Variants in BOC observed in about 807,000 individuals in gnomAD.
The protein encoded by BOC is BOC cell adhesion associated, oncogene regulated.
In BOC, 76 loss-of-function variants were observed where a neutral mutation model predicts 112.0. The ratio of observed to expected loss-of-function variants is 0.68; its 90% CI spans 0.56 to 0.82. BOC has a LOEUF of 0.82. Among genes scored for constraint, BOC ranks in the 40% least tolerant of loss-of-function variants. The pLI is 0.00. For missense variants in BOC, 1,309 were observed against 1,511.7 expected (o/e 0.87, Z 2.22); for synonymous variants, 580 against 599.8 (o/e 0.97, Z 0.48).
intron 4 of BOC, 173 bp downstream of exon 4, chr3:113,251,006 C>G: frequency 1.2e-6 from 1 of 803,486 alleles, no homozygotes; most frequent in Non-Finnish European, 1.9e-6. Flanking sequence ...GATGGGGGAC[C>G]CTTGTGCCCT....
intron 2 of BOC, among the ~76,000 whole-genome samples, chr3:113,247,608 T>C (rs576092040): frequency 6.6e-6 from 1 of 152,246 alleles, no homozygotes; most frequent in South Asian, 2.1e-4. Context: ...TATGTGATCC[T>C]GGGCAACTTC....
At chr3:113,260,178 T>A (rs1946666999) in intron 4 of BOC, among the ~76,000 whole-genome samples, 1 of 152,146 alleles carries the variant, frequency 6.6e-6, no homozygotes, top group Non-Finnish European at 1.5e-5. Context: ...CTTCTGTGAA[T>A]GTCATGAAAG....
chr3:113,251,851 G>A (rs376190565), intron 4 of BOC: 3 of 152,198 alleles, frequency 2.0e-5, no homozygotes, highest in Non-Finnish European at 4.4e-5. Context: ...AGATTCAACA[G>A]AGCAAAGTAA....
intron 2 of BOC, among the ~76,000 whole-genome samples, chr3:113,229,366 T>C (rs1267547520): frequency 6.6e-6 from 1 of 152,238 alleles, no homozygotes; most frequent in Non-Finnish European, 1.5e-5. Context: ...CAGGCTTTGA[T>C]GTCCAAACGC....
intron 3 of BOC, 40 bp from the exon 4 acceptor site, chr3:113,250,515 G>A: frequency 6.4e-7 from 1 of 1,555,454 alleles, no homozygotes; most frequent in South Asian, 1.2e-5. Context: ...TGTTTTCTTG[G>A]GGGCATCAGT....
At chr3:113,253,114 A>G (rs1945834435) in intron 4 of BOC, among the ~76,000 whole-genome samples, 1 of 152,184 alleles carries the variant, frequency 6.6e-6, no homozygotes, top group Admixed American at 6.5e-5. Context: ...AACCACCACC[A>G]TCATTTTGGA....
intron 9 of BOC, among the ~76,000 whole-genome samples, chr3:113,276,032 GT>G: frequency 6.6e-6 from 1 of 152,224 alleles, no homozygotes; most frequent in Non-Finnish European, 1.5e-5. Flanking sequence ...GGGTGAATGA[GT>G]TTTTAACAAA....
At position 113,258,688 on chromosome 3, in the gene BOC, G is replaced by T. The variant is rs1946492144; in HGVS notation, c.376+7855G>T. 4.6e-5 allele frequency among the ~76,000 whole-genome samples: 7 copies of T among 152,288 alleles called. No homozygotes were observed. In the South Asian group the frequency reaches 1.4e-3, roughly 32 times the overall value. ...GGCTTCCTAAGCTGCCCCAGGAGGG[G>T]AAGGAGATTTGCAGCTGGGGCAGAG... is the stretch of plus-strand genomic sequence containing the variant. On this transcript the variant is annotated intron_variant, in intron 4 of 19. Transcript: ENST00000682979.
intron 4 of BOC, 35 bp downstream of exon 4, chr3:113,250,868 G>C: frequency 6.2e-7 from 1 of 1,607,990 alleles, no homozygotes; most frequent in East Asian, 2.2e-5. Flanking sequence ...GCCATGGTGC[G>C]GTCCCTCCTC....
In BOC at chr3:113,273,073, C is replaced by A; in HGVS notation, c.966C>A (p.Pro322=). ...CCTGCTCTGGTTTCCTGGCAGAACC[C>A]CCTGAGGTCACCATGGAGCTATCCC... ...VILYNVQVFE[P]PEVTMELSQL... is the part of the protein sequence containing the mutation. Residue 322 remains proline, a synonymous_variant, in exon 8 of 20, where the codon CCC becomes CCA. Coordinates refer to ENST00000682979, the MANE Select transcript of BOC (RefSeq NM_001378074.1). 6.3e-7 allele frequency: 1 copy of A among 1,598,970 alleles called. No homozygotes were observed. The highest frequency in any genetic ancestry group is 2.3e-5 in the East Asian group (1 of 44,412).
Position 113,286,930 on chromosome 3 carries a change from GAC to G in BOC, c.*70_*71del, listed in dbSNP as rs768687377. The G allele has an allele frequency of 2.4e-4, 327 of 1,378,466 alleles. 8 individuals carry two copies. In the South Asian group the frequency reaches 4.4e-3, roughly 19 times the overall value. 85.4% of individuals were successfully genotyped at this position (1,378,466 alleles called of 1,614,324 possible). On this transcript the variant is annotated 3_prime_UTR_variant, in exon 20 of 20. Coordinates refer to ENST00000682979, the MANE Select transcript of BOC (RefSeq NM_001378074.1). ...TTAAAAAAAAAAAGAAGAAAAAAGA[GAC>G]AGAGAAAATTGGTATTTATTTTTCT...
At chr3:113,283,306 AC>A in intron 15 of BOC, 104 bp from the exon 16 acceptor site, 1 of 1,157,532 alleles carries the variant, frequency 8.6e-7, no homozygotes, top group Non-Finnish European at 1.2e-6. Flanking sequence ...AGTGAGTCTG[AC>A]CCCATTTCCC....
chr3:113,217,669 T>C (rs981020240), intron 2 of BOC, among the ~76,000 whole-genome samples: 1 of 152,204 alleles, frequency 6.6e-6, no homozygotes, highest in Non-Finnish European at 1.5e-5. Flanking sequence ...TCCTTGTATG[T>C]GTTGTTCATT....
At chr3:113,215,293 G>A (rs1939138886) in intron 1 of BOC, among the ~76,000 whole-genome samples, 1 of 152,152 alleles carries the variant, frequency 6.6e-6, no homozygotes, top group Admixed American at 6.5e-5. Flanking sequence ...GAGCCCTCAG[G>A]GTTGGTAACG....
Position 113,279,240 on chromosome 3 carries a change from C to T in BOC, c.1817-9C>T. 1 of 1,612,724 alleles carries T rather than the reference C, an allele frequency of 6.2e-7. No homozygotes were observed. Among genetic ancestry groups the T allele is most frequent in the Non-Finnish European group, 8.5e-7 (1 of 1,179,096 alleles). Reference sequence around the variant, plus strand: ...TGCTTCCTTCCTCACTGGATACGGTCTTTCCCAGCCCCAGAAGCTCCCGAC... The same window carrying T: ...TGCTTCCTTCCTCACTGGATACGGTTTTTCCCAGCCCCAGAAGCTCCCGAC... On this transcript the variant is annotated splice_polypyrimidine_tract_variant and intron_variant, in intron 11 of 19. Transcript: ENST00000682979.
At chr3:113,222,787 C>G (rs1940969045) in intron 2 of BOC, among the ~76,000 whole-genome samples, 2 of 152,220 alleles carry the variant, frequency 1.3e-5, no homozygotes, top group African/African-American at 4.8e-5. Flanking sequence ...GTGCCTGGGC[C>G]ATCCACTTTG....
intron 2 of BOC, among the ~76,000 whole-genome samples, chr3:113,222,685 G>A (rs771315285): frequency 1.1e-4 from 17 of 151,378 alleles, no homozygotes; most frequent in Non-Finnish European, 5.9e-5. Context: ...CACTGTGCTA[G>A]GCCTGGCTAG....
intron 2 of BOC, among the ~76,000 whole-genome samples, chr3:113,235,643 C>G (rs2107751231): frequency 6.6e-6 from 1 of 152,278 alleles, no homozygotes; most frequent in South Asian, 2.1e-4. Flanking sequence ...ATATTAAATG[C>G]TGACTAGTGT....
At chr3:113,214,917 T>TAAA (rs1271787289) in intron 1 of BOC, among the ~76,000 whole-genome samples, 1 of 152,258 alleles carries the variant, frequency 6.6e-6, no homozygotes, top group African/African-American at 2.4e-5. Flanking sequence ...CATCTACTTG[T>TAAA]AATTAAGAAA....
Sources: allele counts gnomAD v4.1 joint callset (sites outside exome capture counted in the v4.1 genomes callset), GRCh38; gene constraint gnomAD v4.1.1; transcripts MANE v1.5; gene names NCBI Gene and HGNC (gene_info 2026-07-23, HGNC 2026-07-21).